GAS2: variants seen among roughly 807,000 people sequenced by gnomAD.
The protein encoded by GAS2 is growth arrest specific 2, also known as growth arrest-specific protein 2.
Under a neutral mutation model 37.5 loss-of-function variants are expected in GAS2, and 20 were observed. That is an observed-to-expected ratio of 0.53 (90% CI 0.37 to 0.77). The LOEUF is 0.77. GAS2 is among the 30% of genes least tolerant of loss of function. The pLI is 0.00. For missense variants in GAS2, 336 were observed against 373.4 expected (o/e 0.90, Z 0.82); for synonymous variants, 144 against 132.2 (o/e 1.09, Z -0.61).
At chr11:22,711,074 A>G (rs900430264) in intron 3 of GAS2, among the ~76,000 whole-genome samples, 2 of 152,184 alleles carry the variant, frequency 1.3e-5, no homozygotes, top group African/African-American at 4.8e-5. Flanking sequence ...GAAAACAGAA[A>G]TAATTCACAG....
intron 1 of GAS2, among the ~76,000 whole-genome samples, chr11:22,659,607 G>A (rs1257417756): frequency 1.3e-5 from 2 of 152,126 alleles, no homozygotes; most frequent in Non-Finnish European, 2.9e-5. Flanking sequence ...AATTCTCTGT[G>A]ATGTGGAATC....
intron 3 of GAS2, among the ~76,000 whole-genome samples, chr11:22,697,881 C>A (rs561242395): frequency 3.3e-4 from 51 of 152,244 alleles, no homozygotes; most frequent in African/African-American, 1.2e-3. Flanking sequence ...ACAATCATGT[C>A]ATCTGCAAAC....
chr11:22,638,762 T>C (rs1858873065), intron 1 of GAS2, among the ~76,000 whole-genome samples: 1 of 152,178 alleles, frequency 6.6e-6, no homozygotes, highest in Admixed American at 6.6e-5. Context: ...TTCAAGGACA[T>C]GCACACCAAT....
At chr11:22,691,152 A>AT (rs1403484414) in intron 3 of GAS2, among the ~76,000 whole-genome samples, 1 of 152,150 alleles carries the variant, frequency 6.6e-6, no homozygotes, top group Non-Finnish European at 1.5e-5. Context: ...ACCTAGTAGA[A>AT]TGCTGCATTA....
At chr11:22,681,545 A>G (rs938464072) in intron 2 of GAS2, among the ~76,000 whole-genome samples, 1 of 152,182 alleles carries the variant, frequency 6.6e-6, no homozygotes, top group Non-Finnish European at 1.5e-5. Flanking sequence ...GGACTTTAAC[A>G]TGATTTAATT....
chr11:22,708,616 A>C (rs142909378), intron 3 of GAS2, among the ~76,000 whole-genome samples: 1 of 152,152 alleles, frequency 6.6e-6, no homozygotes, highest in African/African-American at 2.4e-5. Context: ...GCCCGTGACT[A>C]TATATGGAAT....
intron 1 of GAS2, among the ~76,000 whole-genome samples, chr11:22,649,499 T>C (rs1848745131): frequency 2.6e-5 from 4 of 151,424 alleles, no homozygotes; most frequent in South Asian, 2.1e-4. Context: ...ATGGTACCAG[T>C]TCCTCCTTGT....
chr11:22,803,539 A>G (rs1036029885), intron 7 of GAS2, among the ~76,000 whole-genome samples: 6 of 152,244 alleles, frequency 3.9e-5, no homozygotes, highest in Non-Finnish European at 8.8e-5. Flanking sequence ...TAATGGAATA[A>G]AGGATTCTTG....
chr11:22,752,001 T>C (rs1375133387), intron 6 of GAS2, among the ~76,000 whole-genome samples: 1 of 152,012 alleles, frequency 6.6e-6, no homozygotes, highest in African/African-American at 2.4e-5. Flanking sequence ...TGCTCAAAGT[T>C]TTAATCAAAT....
chr11:22,755,667 TG>T, intron 6 of GAS2, 178 bp from the exon 7 acceptor site: 2 of 506,352 alleles, frequency 3.9e-6, no homozygotes, highest in Non-Finnish European at 7.0e-6. Flanking sequence ...CAGATGTCTT[TG>T]GGGCCTGAAC....
At chr11:22,700,608 A>G (rs1850788773) in intron 3 of GAS2, among the ~76,000 whole-genome samples, 1 of 152,188 alleles carries the variant, frequency 6.6e-6, no homozygotes, top group Non-Finnish European at 1.5e-5. Flanking sequence ...AGTTAATTGT[A>G]AATGTTATTA....
rs77828856 is a variant in GAS2, at chr11:22,677,119, A to G, written c.145+2105A>G. Among the ~76,000 whole-genome samples, 1,344 of 152,318 alleles carry G rather than the reference A, an allele frequency of 8.8e-3. 15 individuals are homozygous for G. The highest frequency in any genetic ancestry group is 0.031 in the African/African-American group (1,289 of 41,552). ...AAACACAGTAAATAAGCAATTGAAT[A>G]TATAATCTATTACTTGTTATAAACA... On this transcript the variant is annotated intron_variant, in intron 2 of 7. Transcript: ENST00000454584.
chr11:22,719,722 T>C (rs965862828), intron 3 of GAS2, among the ~76,000 whole-genome samples: 3 of 152,058 alleles, frequency 2.0e-5, no homozygotes, highest in African/African-American at 4.8e-5. Flanking sequence ...GCCTGTAGTA[T>C]TTTTTTAGAT....
chr11:22,804,765 AGGTGAAGTCATT>A (rs1264977480), intron 7 of GAS2, among the ~76,000 whole-genome samples: 1 of 152,120 alleles, frequency 6.6e-6, no homozygotes, highest in Non-Finnish European at 1.5e-5. Flanking sequence ...TGCTTGATAA[AGGTGAAGTCATT>A]GGTAGGCTGA....
intron 5 of GAS2, among the ~76,000 whole-genome samples, chr11:22,738,686 A>G (rs1379373518): frequency 1.3e-5 from 2 of 152,192 alleles, no homozygotes; most frequent in African/African-American, 4.8e-5. Context: ...AAATAGGTGA[A>G]CACACCAGCA....
intron 5 of GAS2, among the ~76,000 whole-genome samples, chr11:22,748,107 G>A (rs992277070): frequency 3.3e-5 from 5 of 151,958 alleles, no homozygotes; most frequent in Admixed American, 1.3e-4. Flanking sequence ...AGATAAAAAA[G>A]TAGATAATAG....
chr11:22,791,776 G>A (rs572134730), intron 7 of GAS2, among the ~76,000 whole-genome samples: 14 of 152,282 alleles, frequency 9.2e-5, no homozygotes, highest in Admixed American at 9.2e-4. Context: ...TAGATAAGGC[G>A]ATGACTTCAT....
In GAS2 at chr11:22,637,239, A is replaced by C. The variant is rs370269259; in HGVS notation, c.-21+11426A>C. ...TTAATAGTATACTAATATAATATTA[A>C]TTATATTAATAGTATACTAATATAT... On this transcript the variant is annotated intron_variant, in intron 1 of 5. Transcript: ENST00000528582. Among the ~76,000 whole-genome samples the C allele has an allele frequency of 3.0e-3, 169 of 55,428 alleles. 6 individuals are homozygous for C. The highest frequency in any genetic ancestry group is 4.6e-3 in the Non-Finnish European group (135 of 29,450). 36.4% of individuals were successfully genotyped at this position (55,428 alleles called of 152,430 possible).
chr11:22,766,207 C>A (rs548930055), intron 7 of GAS2, among the ~76,000 whole-genome samples: 4 of 151,376 alleles, frequency 2.6e-5, no homozygotes, highest in South Asian at 4.2e-4. Flanking sequence ...CAAATGCTTT[C>A]TGTGTATCTG....
Sources: gnomAD v4.1 joint callset for allele counts (sites outside exome capture counted in the v4.1 genomes callset) on GRCh38, gnomAD v4.1.1 for gene constraint, MANE v1.5 for transcripts, NCBI Gene and HGNC (gene_info 2026-07-23, HGNC 2026-07-21) for gene names.